The following USP32 variants were observed in gnomAD, a reference collection of about 807,000 sequenced individuals.
The protein encoded by USP32 is ubiquitin specific peptidase 32.
In USP32, 59 loss-of-function variants were observed where a neutral mutation model predicts 204.8. That is an observed-to-expected ratio of 0.29 (90% confidence interval 0.23 to 0.36). The LOEUF (loss-of-function observed/expected upper bound fraction) is 0.36. Ranked by LOEUF, USP32 falls within the 10% of genes least tolerant of loss-of-function variation. USP32 has a pLI of 1.00. For missense variants in USP32, 1,160 were observed against 1,946.4 expected (o/e 0.60, Z 7.60); for synonymous variants, 517 against 678.4 (o/e 0.76, Z 3.70).
intron 26 of USP32, among the ~76,000 whole-genome samples, chr17:60,203,753 T>TTTTA (rs2084750343): frequency 6.6e-6 from 1 of 152,140 alleles, no homozygotes; most frequent in Non-Finnish European, 1.5e-5. Flanking sequence ...ATTGTTGTAT[T>TTTTA]TTTAATAGAG....
rs1309346194 is a variant in USP32 at position 60,198,282 on chromosome 17, C to G, written c.3412G>C (p.Ala1138Pro). The G allele has an allele frequency of 6.2e-7, 1 of 1,614,042 alleles. No homozygotes were observed. The highest frequency in any genetic ancestry group is 8.5e-7 in the Non-Finnish European group (1 of 1,180,018). Residue 1138 changes from alanine to proline, a missense_variant, in exon 27 of 34, where the codon GCT becomes CCT. By Grantham distance (27) the Ala-to-Pro change is conservative. Coordinates refer to ENST00000300896, the MANE Select transcript of USP32 (RefSeq NM_032582.4). ...CACCAATCCTGGGCATGATTACTAG[C>G]TTCCTGAGGTGGGAGTGGGCTCGCT... ...RLASPLPPQEASNHAQDCDDS... is the reference protein window; with the variant it reads ...RLASPLPPQEPSNHAQDCDDS...
chr17:60,184,050 G>A (rs1371650145), intron 30 of USP32, among the ~76,000 whole-genome samples: 1 of 152,076 alleles, frequency 6.6e-6, no homozygotes, highest in Non-Finnish European at 1.5e-5. Context: ...GCTTTGGGAG[G>A]CCAAGGCGGG....
chr17:60,308,249 G>C (rs1370052909), intron 2 of USP32, among the ~76,000 whole-genome samples: 3 of 152,192 alleles, frequency 2.0e-5, no homozygotes, highest in Non-Finnish European at 4.4e-5. Context: ...GCCACCTAGA[G>C]ACAGCAAAAC....
chr17:60,356,678 C>T (rs1567871801), intron 1 of USP32, among the ~76,000 whole-genome samples: 2 of 152,106 alleles, frequency 1.3e-5, no homozygotes, highest in Non-Finnish European at 2.9e-5. Flanking sequence ...ATAGCAGTAA[C>T]AAACCTTAAG....
At chr17:60,247,675 TG>T (rs1366848706) in intron 11 of USP32, among the ~76,000 whole-genome samples, 12 of 149,944 alleles carry the variant, frequency 8.0e-5, no homozygotes, top group African/African-American at 3.0e-4. Flanking sequence ...TTGTTTGTTT[TG>T]GTTTTTTTTT....
chr17:60,246,828 A>G (rs1402252502), intron 11 of USP32, among the ~76,000 whole-genome samples: 1 of 152,010 alleles, frequency 6.6e-6, no homozygotes, highest in Non-Finnish European at 1.5e-5. Context: ...GGCCATTTGT[A>G]TGTCTTTTTT....
chr17:60,349,653 AC>A (rs2088899951), intron 1 of USP32, among the ~76,000 whole-genome samples: 2 of 110,546 alleles, frequency 1.8e-5, no homozygotes, highest in South Asian at 4.8e-4. Flanking sequence ...TTATATATAT[AC>A]ATATATATAC....
At chr17:60,379,039 AT>A (rs2089601312) in intron 1 of USP32, among the ~76,000 whole-genome samples, 2 of 152,176 alleles carry the variant, frequency 1.3e-5, no homozygotes, top group South Asian at 4.1e-4. Context: ...CACATGAACT[AT>A]TTTGAAAGTC....
upstream of USP32, among the ~76,000 whole-genome samples, chr17:60,396,633 T>C (rs2089903205): frequency 6.6e-6 from 1 of 152,158 alleles, no homozygotes; most frequent in African/African-American, 2.4e-5. Context: ...GAGTTTGAGA[T>C]AAAGAGTGCC....
At chr17:60,236,727 G>A (rs1363842648) in intron 11 of USP32, among the ~76,000 whole-genome samples, 1 of 152,178 alleles carries the variant, frequency 6.6e-6, no homozygotes, top group Non-Finnish European at 1.5e-5. Flanking sequence ...AAAGACTGCT[G>A]TAGCCATTTT....
intron 1 of USP32, among the ~76,000 whole-genome samples, chr17:60,418,060 G>A (rs2090076284): frequency 6.6e-6 from 1 of 151,442 alleles, no homozygotes; most frequent in Admixed American, 6.6e-5. Flanking sequence ...CCAGGTTCAA[G>A]CGATTCTCCT....
At chr17:60,372,971 C>G (rs2089469281) in intron 1 of USP32, among the ~76,000 whole-genome samples, 1 of 151,718 alleles carries the variant, frequency 6.6e-6, no homozygotes, top group Admixed American at 6.6e-5. Context: ...TCAAGAATAG[C>G]CTGGCTAACA....
In USP32 at chr17:60,271,459, A is replaced by G; in HGVS notation, c.594T>C (p.Asp198=). The G allele has an allele frequency of 6.2e-7, 1 of 1,614,104 alleles. No individual in the cohort carries two copies. ...VTHLEESDII[D]LEKRYWLLKA... Reference sequence around the variant, plus strand: ...TCAATAACCAATAGCGTTTCTCAAGATCAATGATGTCTGATTCCTCCACTA... The same window carrying G: ...TCAATAACCAATAGCGTTTCTCAAGGTCAATGATGTCTGATTCCTCCACTA... The change falls in exon 6 of 34, where the codon GAT becomes GAC. Residue 198 remains aspartate, a synonymous_variant. Transcript: ENST00000300896.
chr17:60,221,306 T>C (rs1198130227), intron 15 of USP32, among the ~76,000 whole-genome samples: 1 of 152,026 alleles, frequency 6.6e-6, no homozygotes, highest in Non-Finnish European at 1.5e-5. Context: ...GGTGGGAATA[T>C]TGTTCAAACC....
chr17:60,288,412 C>T, intron 5 of USP32, 111 bp downstream of exon 5: 1 of 1,320,310 alleles, frequency 7.6e-7, no homozygotes, highest in South Asian at 1.7e-5. Flanking sequence ...TGCACTCCAG[C>T]CTGGGACAGA....
rs183430582 is a variant in USP32, at chr17:60,203,733, T to C, written c.3249+1714A>G. Among the ~76,000 whole-genome samples, 388 of 152,238 alleles carry C rather than the reference T, an allele frequency of 2.5e-3. 1 individual carries two copies. Among genetic ancestry groups the C allele is most frequent in the African/African-American group, 8.6e-3 (358 of 41,564 alleles). ...CTAGGACTACCGGCGTGTGCCACCA[T>C]GCCTGGCTGATTGTTGTATTTTTAA... On this transcript the variant is annotated intron_variant, in intron 26 of 33. Transcript: ENST00000300896.
intron 1 of USP32, among the ~76,000 whole-genome samples, chr17:60,388,611 T>C (rs1487640710): frequency 6.6e-6 from 1 of 152,136 alleles, no homozygotes; most frequent in East Asian, 1.9e-4. Context: ...CAAGTGTACT[T>C]CCTTAGAAAA....
intron 10 of USP32, among the ~76,000 whole-genome samples, chr17:60,252,829 A>G (rs1289386909): frequency 3.3e-5 from 5 of 152,238 alleles, no homozygotes; most frequent in African/African-American, 1.2e-4. Flanking sequence ...AGCATAATTC[A>G]ATATTGTATC....
intron 2 of USP32, among the ~76,000 whole-genome samples, chr17:60,314,264 C>A (rs1017463010): frequency 2.0e-5 from 3 of 151,290 alleles, no homozygotes; most frequent in Non-Finnish European, 4.4e-5. Context: ...ACCTCAGCCT[C>A]CCAAGTAGCT....
Sources: allele counts gnomAD v4.1 joint callset (sites outside exome capture counted in the v4.1 genomes callset), GRCh38; gene constraint gnomAD v4.1.1; transcripts MANE v1.5; gene names NCBI Gene and HGNC (gene_info 2026-07-23, HGNC 2026-07-21).